The following SFTPD variants were observed in gnomAD, a reference collection of about 807,000 sequenced individuals.
The protein encoded by SFTPD is pulmonary surfactant-associated protein D.
SFTPD carries 18 observed loss-of-function variants against 34.6 expected under a neutral mutation model. That is an observed-to-expected ratio of 0.52 (90% CI 0.36 to 0.77). The LOEUF (loss-of-function observed/expected upper bound fraction) is 0.77, where lower values mean the gene tolerates loss of function less well. SFTPD is among the 30% of genes least tolerant of loss of function. The pLI is 0.00. For missense variants in SFTPD, 433 were observed against 468.9 expected (o/e 0.92, Z 0.71); for synonymous variants, 155 against 180.9 (o/e 0.86, Z 1.15).
chr10:79,941,278 C>A (rs1394719094), intron 6 of SFTPD, 120 bp downstream of exon 6: 1 of 852,130 alleles, frequency 1.2e-6, no homozygotes. Flanking sequence ...TGAGTTCCAC[C>A]CACCAGCTGC....
intron 1 of SFTPD, among the ~76,000 whole-genome samples, chr10:79,981,316 T>C (rs1842888541): frequency 6.6e-6 from 1 of 152,158 alleles, no homozygotes; most frequent in African/African-American, 2.4e-5. Context: ...ATGAAATTTA[T>C]AAAATAGCTT....
chr10:79,938,200 G>A lies in SFTPD; in HGVS notation c.780C>T (p.Val260=), dbSNP rs1051240. ...KVELFPNGQS[V]GEKIFKTAGF... is the part of the protein sequence containing the mutation. ...CTGCTGTCTTGAAAATCTTCTCCCC[G>A]ACACTTTGGCCATTTGGGAAGAGCT... The change falls in exon 8 of 8, where the codon GTC becomes GTT. Residue 260 remains valine, a synonymous_variant. Coordinates refer to ENST00000372292, the MANE Select transcript of SFTPD (RefSeq NM_003019.5). 67 of 1,598,576 alleles carry A rather than the reference G, an allele frequency of 4.2e-5. No individual in the cohort carries two copies. The highest frequency in any genetic ancestry group is 1.5e-4 in the Admixed American group (9 of 59,708).
chr10:79,965,584 GT>G (rs71034264), intron 1 of SFTPD, among the ~76,000 whole-genome samples: 2 of 75,258 alleles, frequency 2.7e-5, no homozygotes, highest in African/African-American at 1.1e-4. Context: ...TATTTTTAAT[GT>G]TTTTTTTTTA....
chr10:79,942,748 C>T lies in SFTPD; in HGVS notation c.316+15G>A, dbSNP rs1842626843. 6.6e-7 allele frequency: 1 copy of T among 1,510,752 alleles called. No homozygotes were observed. The highest frequency in any genetic ancestry group is 9.2e-7 in the Non-Finnish European group (1 of 1,085,882). The allele number at this position is 1,510,752 out of a possible 1,614,324, so 93.6% of individuals were successfully genotyped here. On this transcript the variant is annotated intron_variant, in intron 3 of 7. Coordinates refer to ENST00000372292, the MANE Select transcript of SFTPD (RefSeq NM_003019.5). The stretch of plus-strand genomic sequence containing the variant: ...ACCACCTGGAAACACCTGAAGTCGA[C>T]ACCCAGTTGCTCACCACTTGGCCCA...
At chr10:79,973,899 A>G (rs4325265) in intron 1 of SFTPD, among the ~76,000 whole-genome samples, 11,754 of 152,026 alleles carry the variant, frequency 0.077, 913 homozygotes, top group East Asian at 0.39. Flanking sequence ...TTGTGTATGC[A>G]GAGCACAAGT....
upstream of SFTPD, among the ~76,000 whole-genome samples, chr10:79,949,521 T>C (rs1342409319): frequency 1.3e-5 from 2 of 152,230 alleles, no homozygotes; most frequent in African/African-American, 2.4e-5. Flanking sequence ...TCAACAGCAC[T>C]GCCCAGATAT....
chr10:79,942,562 G>A (rs914331845), intron 3 of SFTPD, 58 bp from the exon 4 acceptor site: 4 of 1,171,484 alleles, frequency 3.4e-6, no homozygotes, highest in African/African-American at 3.0e-5. Context: ...GGAGGAGTGT[G>A]TAGTAAGGTG....
chr10:79,938,360 A>T, intron 7 of SFTPD, 132 bp from the exon 8 acceptor site: 1 of 763,840 alleles, frequency 1.3e-6, no homozygotes, highest in Non-Finnish European at 2.1e-6. Context: ...TGCCAGAGAG[A>T]ATGCAAGAGA....
chr10:79,959,749 T>C (rs1281032806), intron 1 of SFTPD, among the ~76,000 whole-genome samples: 3 of 152,206 alleles, frequency 2.0e-5, no homozygotes, highest in East Asian at 3.8e-4. Context: ...CTTCTGAAAC[T>C]ATTCCAATCA....
intron 1 of SFTPD, among the ~76,000 whole-genome samples, chr10:79,964,712 C>T (rs1379706208): frequency 6.6e-6 from 1 of 152,164 alleles, no homozygotes; most frequent in Non-Finnish European, 1.5e-5. Context: ...TTCTACTACT[C>T]CTCAGGAACT....
intron 1 of SFTPD, among the ~76,000 whole-genome samples, chr10:79,976,143 A>G (rs1842863135): frequency 6.6e-6 from 1 of 152,248 alleles, no homozygotes; most frequent in African/African-American, 2.4e-5. Flanking sequence ...GGCCTTAAGA[A>G]AAACAAGTTT....
intron 1 of SFTPD, among the ~76,000 whole-genome samples, chr10:79,958,751 C>A (rs1433090079): frequency 1.3e-5 from 2 of 152,154 alleles, no homozygotes; most frequent in Admixed American, 6.5e-5. Context: ...AGAAAGTTAA[C>A]AAGGATATCC....
chr10:79,982,014 C>A (rs1402246562), intron 1 of SFTPD: 1 of 290,472 alleles, frequency 3.4e-6, no homozygotes, highest in Non-Finnish European at 6.4e-6. Context: ...CCAGGAAGAG[C>A]GCGCCGGGCG....
chr10:79,974,730 T>C (rs1842855225), intron 1 of SFTPD, among the ~76,000 whole-genome samples: 1 of 152,260 alleles, frequency 6.6e-6, no homozygotes, highest in Non-Finnish European at 1.5e-5. Context: ...TATATACAGA[T>C]GTGCCTACAG....
intron 1 of SFTPD, among the ~76,000 whole-genome samples, chr10:79,948,309 G>A (rs980771352): frequency 2.0e-5 from 3 of 152,186 alleles, no homozygotes; most frequent in Admixed American, 1.3e-4. Flanking sequence ...AAGAATGAAA[G>A]GCAATAGGCA....
intron 1 of SFTPD, chr10:79,982,085 C>T: frequency 3.4e-6 from 1 of 298,114 alleles, no homozygotes; most frequent in Non-Finnish European, 6.1e-6. Context: ...CCGGCTGCTG[C>T]GCCTTGGCCC....
Position 79,946,661 on chromosome 10 carries a change from G to A in SFTPD, c.-2C>T. The A allele has an allele frequency of 6.2e-7, 1 of 1,613,700 alleles. No homozygotes were observed. Among genetic ancestry groups the A allele is most frequent in the South Asian group, 1.1e-5 (1 of 91,010 alleles). Reference sequence around the variant, plus strand: ...TGCAGAGAGGAGGAAGAGCAGCATGGCCTGGAGAGGTGAACAGAAAGAGAA... The same window carrying A: ...TGCAGAGAGGAGGAAGAGCAGCATGACCTGGAGAGGTGAACAGAAAGAGAA... On this transcript the variant is annotated splice_region_variant and 5_prime_UTR_variant, in exon 2 of 8. Transcript: ENST00000372292.
chr10:79,971,744 C>T (rs1842836134), intron 1 of SFTPD: 1 of 152,014 alleles, frequency 6.6e-6, no homozygotes, highest in Non-Finnish European at 1.5e-5. Flanking sequence ...TGACTTTATG[C>T]TTTTCTCTTG....
intron 4 of SFTPD, 90 bp downstream of exon 4, chr10:79,942,298 C>A: frequency 1.1e-6 from 1 of 914,530 alleles, no homozygotes; most frequent in South Asian, 1.4e-5. Context: ...CTGGGCTCTC[C>A]CTGGCACTCT....
Sources: allele counts gnomAD v4.1 joint callset (sites outside exome capture counted in the v4.1 genomes callset), GRCh38; gene constraint gnomAD v4.1.1; transcripts MANE v1.5; gene names NCBI Gene and HGNC (gene_info 2026-07-23, HGNC 2026-07-21).